STRAP: variants seen among roughly 807,000 people sequenced by gnomAD.
STRAP encodes the protein serine/threonine kinase receptor associated protein, also known as serine-threonine kinase receptor-associated protein.
In STRAP, 16 loss-of-function variants were observed where a neutral mutation model predicts 47.0. The ratio of observed to expected loss-of-function variants is 0.34; its 90% CI spans 0.23 to 0.52. The LOEUF is 0.52. STRAP is among the 20% of genes least tolerant of loss of function. STRAP has a pLI of 0.96. For synonymous variants in STRAP, 130 were observed against 142.7 expected (o/e 0.91, Z 0.63); for missense variants, 293 against 420.0 (o/e 0.70, Z 2.64).
At chr12:15,892,248 T>C (rs1254847123) in intron 4 of STRAP, among the ~76,000 whole-genome samples, 1 of 152,204 alleles carries the variant, frequency 6.6e-6, no homozygotes, top group Admixed American at 6.5e-5. Context: ...AAAGGTTCTT[T>C]ATTGAATTCT....
intron 4 of STRAP, among the ~76,000 whole-genome samples, chr12:15,892,443 A>G (rs973692041): frequency 5.3e-5 from 8 of 152,158 alleles, no homozygotes; most frequent in African/African-American, 1.9e-4. Flanking sequence ...CTTAGCTACC[A>G]AAACATGACA....
Position 15,882,659 on chromosome 12 carries a change from C to A in STRAP, c.-49C>A. Reference sequence around the variant, plus strand: ...GCACTGCAGCAGAAGAGAGAAAAGACAACGACGACCCTCAGCTCGCCAGTC... The same window carrying A: ...GCACTGCAGCAGAAGAGAGAAAAGAAAACGACGACCCTCAGCTCGCCAGTC... On this transcript the variant is annotated 5_prime_UTR_variant, in exon 1 of 10. Transcript: ENST00000419869. The A allele has an allele frequency of 6.6e-7, 1 of 1,510,856 alleles. No individual in the cohort carries two copies. 93.6% of individuals were successfully genotyped at this position (1,510,856 alleles called of 1,614,324 possible).
chr12:15,902,855 T>G lies in STRAP; in HGVS notation c.992-62T>G. ...TCATTACACAGAAATGTAGATTTGC[T>G]TCTTTCTTTCATTAAGTTGACTAAT... On this transcript the variant is annotated intron_variant, in intron 9 of 9. Coordinates refer to ENST00000419869, the MANE Select transcript of STRAP (RefSeq NM_007178.4). 2.7e-6 allele frequency: 4 copies of G among 1,473,406 alleles called. No homozygotes were observed. In the South Asian group the frequency reaches 4.1e-5, roughly 15 times the overall value. 91.3% of individuals were successfully genotyped at this position (1,473,406 alleles called of 1,614,324 possible).
rs991666874 is a variant in STRAP at position 15,896,082 on chromosome 12, A to G, written c.638+586A>G. Among the ~76,000 whole-genome samples the G allele has an allele frequency of 2.0e-5, 3 of 151,230 alleles. No individual in the cohort carries two copies. Among genetic ancestry groups the G allele is most frequent in the African/African-American group, 7.3e-5 (3 of 41,112 alleles). On this transcript the variant is annotated intron_variant, in intron 6 of 9. Transcript: ENST00000419869. The surrounding 1 kb of genome is among the most constrained non-coding windows in gnomAD (Gnocchi z 4.1). ...TAAAATAAAAATACAAAGAGAAGAA[A>G]AATTAGCTGGGTGTGGTGGTGAGTA... is the stretch of plus-strand genomic sequence containing the variant.
At chr12:15,889,873 C>A in intron 2 of STRAP, 55 bp from the exon 3 acceptor site, 1 of 1,383,152 alleles carries the variant, frequency 7.2e-7, no homozygotes, top group South Asian at 1.2e-5. Flanking sequence ...TGTATTTATC[C>A]TTTTAATATA....
At chr12:15,900,518 C>A (rs1408421184) in intron 8 of STRAP, among the ~76,000 whole-genome samples, 1 of 145,240 alleles carries the variant, frequency 6.9e-6, no homozygotes, top group East Asian at 2.0e-4. Context: ...GTGACTCAGT[C>A]TCAAAAAAAA....
At chr12:15,895,826 G>A (rs1948054837) in intron 6 of STRAP, among the ~76,000 whole-genome samples, 1 of 139,140 alleles carries the variant, frequency 7.2e-6, no homozygotes, top group South Asian at 2.2e-4. Flanking sequence ...TCTTGACACT[G>A]CACTCCAGTC....
chr12:15,897,839 A>G (rs867043357), intron 6 of STRAP, 43 bp from the exon 7 acceptor site: 4 of 1,370,984 alleles, frequency 2.9e-6, no homozygotes, highest in Middle Eastern at 2.7e-4. Context: ...CGTTATTTAT[A>G]CCATATTCAA....
At chr12:15,885,101 A>G (rs1451215484) in intron 2 of STRAP, among the ~76,000 whole-genome samples, 1 of 151,938 alleles carries the variant, frequency 6.6e-6, no homozygotes, top group East Asian at 1.9e-4. Flanking sequence ...TTCATTGTTT[A>G]AACTGATGAA....
In STRAP at chr12:15,894,956, C is replaced by T. The variant is rs1241668551; in HGVS notation, c.501-403C>T. On this transcript the variant is annotated intron_variant, in intron 5 of 9. Transcript: ENST00000419869. This position sits in a 1 kb window ranked among gnomAD's most constrained non-coding sequence, Gnocchi z 4.9. ...GTTAAAGGGAGGGACCATGAAGCCT[C>T]TGAAATTCTATACAAAATCTTGTGT... 6.6e-6 allele frequency among the ~76,000 whole-genome samples: 1 copy of T among 152,150 alleles called. No individual in the cohort carries two copies. The highest frequency in any genetic ancestry group is 1.5e-5 in the Non-Finnish European group (1 of 68,032).
At chr12:15,899,680 C>G (rs549102975) in intron 7 of STRAP, among the ~76,000 whole-genome samples, 2 of 152,198 alleles carry the variant, frequency 1.3e-5, no homozygotes, top group East Asian at 3.9e-4. Flanking sequence ...TTTAGAGGGA[C>G]AGTTTGAAAC....
rs528910230 is a variant in STRAP at position 15,882,439 on chromosome 12, C to G, written c.-269C>G. The stretch of plus-strand genomic sequence containing the variant: ...TGGACGCTGTGAATCGTGGCTGGCC[C>G]GGTTCTCCGCTTCTCCCCATCCCCT... On this transcript the variant is annotated 5_prime_UTR_variant, in exon 1 of 10. Coordinates refer to ENST00000419869, the MANE Select transcript of STRAP (RefSeq NM_007178.4). 4.7e-5 allele frequency: 24 copies of G among 510,792 alleles called. No individual in the cohort carries two copies. The highest frequency in any genetic ancestry group is 4.0e-4 in the South Asian group (16 of 40,306). The allele number at this position is 510,792 out of a possible 1,614,324, so 31.6% of individuals were successfully genotyped here.
chr12:15,900,182 G>T, intron 8 of STRAP, 129 bp downstream of exon 8: 1 of 1,019,076 alleles, frequency 9.8e-7, no homozygotes. Flanking sequence ...TTTAAGCAGC[G>T]AGAAGCCCAG....
intron 1 of STRAP, chr12:15,883,223 T>C: frequency 1.6e-6 from 2 of 1,273,652 alleles, no homozygotes; most frequent in Non-Finnish European, 2.2e-6. Flanking sequence ...TCCTTTGTGG[T>C]ATTAGCCTCA....
At position 15,887,814 on chromosome 12, in the gene STRAP, T is replaced by C. The variant is rs1476271667; in HGVS notation, c.249-2114T>C. Among the ~76,000 whole-genome samples the C allele has an allele frequency of 1.3e-5, 2 of 151,894 alleles. No individual in the cohort carries two copies. Among genetic ancestry groups the C allele is most frequent in the Non-Finnish European group, 2.9e-5 (2 of 67,988 alleles). Reference sequence around the variant, plus strand: ...GAGTTCAAGTATAGCTTGGGCAATATACCAAGATCCTGTCTCAAAAAAAAA... The same window carrying C: ...GAGTTCAAGTATAGCTTGGGCAATACACCAAGATCCTGTCTCAAAAAAAAA... On this transcript the variant is annotated intron_variant, in intron 2 of 9. Coordinates refer to ENST00000419869, the MANE Select transcript of STRAP (RefSeq NM_007178.4). This position sits in a 1 kb window ranked among gnomAD's most constrained non-coding sequence, Gnocchi z 5.5.
Position 15,887,837 on chromosome 12 carries a change from A to G in STRAP, c.249-2091A>G, listed in dbSNP as rs1303921902. On this transcript the variant is annotated intron_variant, in intron 2 of 9. Coordinates refer to ENST00000419869, the MANE Select transcript of STRAP (RefSeq NM_007178.4). The surrounding 1 kb of genome is among the most constrained non-coding windows in gnomAD (Gnocchi z 5.5). ...TATACCAAGATCCTGTCTCAAAAAA[A>G]AAAAGAGAGAGAGGTTTTAAGTTTA... Among the ~76,000 whole-genome samples, 1 of 152,230 alleles carries G rather than the reference A, an allele frequency of 6.6e-6. No individual in the cohort carries two copies. Among genetic ancestry groups the G allele is most frequent in the Non-Finnish European group, 1.5e-5 (1 of 68,026 alleles).
In STRAP at chr12:15,883,618, G is replaced by A; in HGVS notation, c.190G>A (p.Gly64Ser). ...TFLGHKGAVW[G>S]ATLNKDATKA... is the part of the protein sequence containing the mutation. ...TTTGGGTCATAAAGGTGCTGTTTGG[G>A]GTGCAACACTGAATAAGGATGCCAC... The change falls in exon 2 of 10, where the codon GGT (glycine) becomes AGT (serine). Residue 64 changes from glycine to serine, a missense_variant. This residue lies in a region of STRAP where 32 missense variants were observed against 76.1 expected (regional missense o/e 0.42). Transcript: ENST00000419869. 6.2e-7 allele frequency: 1 copy of A among 1,614,134 alleles called. No homozygotes were observed. Among genetic ancestry groups the A allele is most frequent in the Non-Finnish European group, 8.5e-7 (1 of 1,180,022 alleles).
At chr12:15,884,234 C>T (rs1459559277) in intron 2 of STRAP, among the ~76,000 whole-genome samples, 1 of 152,218 alleles carries the variant, frequency 6.6e-6, no homozygotes, top group Non-Finnish European at 1.5e-5. Flanking sequence ...GGGATGTCTC[C>T]TGACTCCAAT....
At chr12:15,888,432 T>A (rs535285045) in intron 2 of STRAP, among the ~76,000 whole-genome samples, 10 of 152,282 alleles carry the variant, frequency 6.6e-5, no homozygotes, top group Admixed American at 6.5e-4. Flanking sequence ...AAATGAATAC[T>A]AGGGAGTTTA....
Sources: allele counts gnomAD v4.1 joint callset (sites outside exome capture counted in the v4.1 genomes callset), GRCh38; gene constraint gnomAD v4.1.1; regional missense constraint gnomAD v4.1.1; non-coding constraint Gnocchi (gnomAD v3.1); transcripts MANE v1.5; gene names NCBI Gene and HGNC (gene_info 2026-07-23, HGNC 2026-07-21).